The following ZRANB3 variants were observed in gnomAD, a reference collection of about 807,000 sequenced individuals.
ZRANB3 encodes the protein zinc finger RANBP2-type containing 3.
ZRANB3 carries 125 observed loss-of-function variants against 133.8 expected under a neutral mutation model. The ratio of observed to expected loss-of-function variants is 0.93; its 90% confidence interval spans 0.81 to 1.08. ZRANB3 has a LOEUF of 1.08. Among genes scored for constraint, ZRANB3 ranks in the 50% least tolerant of loss-of-function variants. The pLI is 0.00. For synonymous variants in ZRANB3, 387 were observed against 432.7 expected (o/e 0.89, Z 1.31); for missense variants, 1,229 against 1,275.5 (o/e 0.96, Z 0.56).
chr2:135,374,532 G>A (rs1466870959), intron 3 of ZRANB3, among the ~76,000 whole-genome samples: 3 of 142,928 alleles, frequency 2.1e-5, no homozygotes, highest in East Asian at 2.0e-4. Flanking sequence ...ATGGAGTTTC[G>A]CTCTTGTTGT....
intron 9 of ZRANB3, 25 bp downstream of exon 9, chr2:135,275,611 A>G (rs1162800972): frequency 2.6e-6 from 4 of 1,551,552 alleles, no homozygotes; most frequent in Non-Finnish European, 3.5e-6. Flanking sequence ...TCTAAAAAGT[A>G]TTTAGTTAAA....
At chr2:135,341,805 G>A (rs980448305) in intron 6 of ZRANB3, among the ~76,000 whole-genome samples, 11 of 150,080 alleles carry the variant, frequency 7.3e-5, no homozygotes, top group East Asian at 1.9e-4. Context: ...GATGAAACAC[G>A]CCCTGGTCTC....
At chr2:135,462,297 T>C (rs2105017327) in intron 2 of ZRANB3, among the ~76,000 whole-genome samples, 2 of 152,290 alleles carry the variant, frequency 1.3e-5, no homozygotes, top group South Asian at 4.1e-4. Context: ...TCCCTATAAA[T>C]GAAACCCTAG....
At chr2:135,468,999 T>C (rs1574150472) in intron 2 of ZRANB3, among the ~76,000 whole-genome samples, 1 of 152,270 alleles carries the variant, frequency 6.6e-6, no homozygotes, top group East Asian at 1.9e-4. Context: ...TATTAAATTA[T>C]AAAAAATAAA....
intron 5 of ZRANB3, among the ~76,000 whole-genome samples, chr2:135,346,586 A>T (rs1315531845): frequency 2.0e-5 from 3 of 152,178 alleles, no homozygotes. Flanking sequence ...GTAGGATTAT[A>T]TTTAGAAATG....
chr2:135,375,249 A>C (rs1686367526), intron 3 of ZRANB3, among the ~76,000 whole-genome samples: 1 of 152,144 alleles, frequency 6.6e-6, no homozygotes, highest in Non-Finnish European at 1.5e-5. Flanking sequence ...ACTTGAGAAA[A>C]ATATGAGACA....
At chr2:135,213,641 T>C (rs574086467) in intron 17 of ZRANB3, among the ~76,000 whole-genome samples, 3 of 152,294 alleles carry the variant, frequency 2.0e-5, no homozygotes, top group East Asian at 1.9e-4. Flanking sequence ...CTGATTCCCA[T>C]TGTAATAACT....
intron 12 of ZRANB3, among the ~76,000 whole-genome samples, chr2:135,242,204 G>A (rs1695583487): frequency 1.3e-5 from 2 of 151,882 alleles, no homozygotes; most frequent in African/African-American, 4.8e-5. Flanking sequence ...GAGACAATTG[G>A]ATTTAGGTAT....
At chr2:135,328,652 T>C (rs1274143363) in intron 6 of ZRANB3, among the ~76,000 whole-genome samples, 2 of 152,208 alleles carry the variant, frequency 1.3e-5, no homozygotes, top group Non-Finnish European at 2.9e-5. Flanking sequence ...TCTTCCACAA[T>C]GGTTGAACTA....
At chr2:135,331,223 AC>A (rs1242924123) in intron 6 of ZRANB3, among the ~76,000 whole-genome samples, 1 of 152,108 alleles carries the variant, frequency 6.6e-6, no homozygotes, top group African/African-American at 2.4e-5. Context: ...CCCTCTACAC[AC>A]TGCTTTAAAT....
intron 2 of ZRANB3, among the ~76,000 whole-genome samples, chr2:135,428,089 C>G (rs1689170863): frequency 6.6e-6 from 1 of 152,092 alleles, no homozygotes; most frequent in Non-Finnish European, 1.5e-5. Context: ...AAACCTAAAA[C>G]TATAAAAACC....
intron 3 of ZRANB3, among the ~76,000 whole-genome samples, chr2:135,380,685 G>C (rs1334492928): frequency 2.6e-5 from 4 of 152,194 alleles, no homozygotes; most frequent in Non-Finnish European, 5.9e-5. Flanking sequence ...GAAATTTATA[G>C]TACTAAATGC....
chr2:135,520,310 G>A (rs1428055681), intron 1 of ZRANB3, among the ~76,000 whole-genome samples: 7 of 151,852 alleles, frequency 4.6e-5, no homozygotes, highest in African/African-American at 9.7e-5. Flanking sequence ...GCAGGAGATC[G>A]GTTGAACCCA....
At chr2:135,425,872 G>A (rs563051393) in intron 2 of ZRANB3, among the ~76,000 whole-genome samples, 90 of 147,760 alleles carry the variant, frequency 6.1e-4, no homozygotes, top group Admixed American at 1.0e-3. Context: ...ATTGAGATAC[G>A]AAAAAAAAAC....
At chr2:135,317,184 G>A (rs1165853747) in intron 6 of ZRANB3, among the ~76,000 whole-genome samples, 2 of 151,858 alleles carry the variant, frequency 1.3e-5, no homozygotes, top group Non-Finnish European at 1.5e-5. Flanking sequence ...TTGAATTGCT[G>A]AAACTTGTTC....
At chr2:135,374,593 C>T (rs1445999336) in intron 3 of ZRANB3, among the ~76,000 whole-genome samples, 1 of 151,390 alleles carries the variant, frequency 6.6e-6, no homozygotes, top group Non-Finnish European at 1.5e-5. Flanking sequence ...TCTCTGCTTC[C>T]CAGGTTCAAG....
At chr2:135,277,318 TA>T (rs1189611796) in intron 8 of ZRANB3, among the ~76,000 whole-genome samples, 1 of 152,200 alleles carries the variant, frequency 6.6e-6, no homozygotes, top group Non-Finnish European at 1.5e-5. Flanking sequence ...GATCACCATT[TA>T]TTGAAGGCCA....
rs773970529 is a variant in ZRANB3, at chr2:135,431,960, T to TA, written c.162-41141dup. The stretch of plus-strand genomic sequence containing the variant: ...CCGAGGTAAAGGCTTAAAAATTGTT[T>TA]AAAAAAAAGGCTGGCCGTGGTGGCT... On this transcript the variant is annotated intron_variant, in intron 2 of 20. Transcript: ENST00000264159. 1.8e-4 allele frequency among the ~76,000 whole-genome samples: 28 copies of TA among 151,908 alleles called. 1 individual carries two copies. Among genetic ancestry groups the TA allele is most frequent in the South Asian group, 1.0e-3 (5 of 4,800 alleles).
At chr2:135,369,574 C>T (rs555219647) in intron 3 of ZRANB3, among the ~76,000 whole-genome samples, 1 of 128,198 alleles carries the variant, frequency 7.8e-6, no homozygotes, top group East Asian at 2.0e-4. Flanking sequence ...GTCAATCTTA[C>T]ACTTGTTTTT....
Sources: allele counts gnomAD v4.1 joint callset (sites outside exome capture counted in the v4.1 genomes callset), GRCh38; gene constraint gnomAD v4.1.1; transcripts MANE v1.5; gene names NCBI Gene and HGNC (gene_info 2026-07-23, HGNC 2026-07-21).